The following CCDC144A variants were observed in gnomAD, a reference collection of about 807,000 sequenced individuals.
The protein encoded by CCDC144A is coiled-coil domain-containing protein 144A.
CCDC144A carries 41 observed loss-of-function variants against 143.8 expected under a neutral mutation model. That is an observed-to-expected ratio of 0.29 (90% CI 0.22 to 0.37). CCDC144A has a LOEUF of 0.37. Among genes scored for constraint, CCDC144A ranks in the 10% least tolerant of loss-of-function variants. The probability of loss-of-function intolerance (pLI) is 1.00; values close to 1 mark genes in which losing one functional copy is unlikely to be tolerated. For synonymous variants in CCDC144A, 242 were observed against 517.9 expected, an observed-to-expected ratio of 0.47 and a Z score of 7.23; for missense variants, 637 against 1,488.8, an observed-to-expected ratio of 0.43 and a Z score of 9.41.
intron 12 of CCDC144A, among the ~76,000 whole-genome samples, chr17:16,739,949 G>A (rs1055015940): frequency 6.6e-6 from 1 of 150,560 alleles, no homozygotes; most frequent in East Asian, 1.9e-4. Context: ...CATGATGAGA[G>A]TCAGGCTTAC....
At chr17:16,767,794 GAAA>G (rs1484772758) in intron 15 of CCDC144A, among the ~76,000 whole-genome samples, 1 of 152,220 alleles carries the variant, frequency 6.6e-6, no homozygotes, top group Non-Finnish European at 1.5e-5. Flanking sequence ...ACTGGTTGTT[GAAA>G]CAAGTTTTCT....
At chr17:16,759,050 G>A (rs556811959) in intron 12 of CCDC144A, among the ~76,000 whole-genome samples, 222 of 152,238 alleles carry the variant, frequency 1.5e-3, no homozygotes, top group African/African-American at 5.2e-3. Context: ...TTAAAATAGA[G>A]CCTTACACTG....
chr17:16,676,320 T>G, the CCDC144A span, among the ~76,000 whole-genome samples: 3 of 152,040 alleles, frequency 2.0e-5, no homozygotes, highest in East Asian at 5.8e-4. Flanking sequence ...AAGAGCAGCC[T>G]GGCCAACATG....
At chr17:16,684,414 G>T in the CCDC144A span, among the ~76,000 whole-genome samples, 1 of 152,154 alleles carries the variant, frequency 6.6e-6, no homozygotes, top group Non-Finnish European at 1.5e-5. Flanking sequence ...CCAGCACTTT[G>T]GGAGGCTGAG....
chr17:16,765,804 C>G (rs1348249788), intron 15 of CCDC144A: 4 of 152,216 alleles, frequency 2.6e-5, no homozygotes, highest in Admixed American at 2.6e-4. Context: ...AGATGATCAG[C>G]GTCCAAATGC....
the CCDC144A span, among the ~76,000 whole-genome samples, chr17:16,669,168 C>T: frequency 6.6e-6 from 1 of 152,104 alleles, no homozygotes; most frequent in Non-Finnish European, 1.5e-5. Flanking sequence ...ATAGTAGTTG[C>T]TTCCTATACT....
At chr17:16,684,023 G>GC in the CCDC144A span, 2 of 917,386 alleles carry the variant, frequency 2.2e-6, no homozygotes, top group Non-Finnish European at 3.7e-6. Flanking sequence ...AATTCATGCA[G>GC]CCTGCAAGGC....
intron 12 of CCDC144A, among the ~76,000 whole-genome samples, chr17:16,757,409 T>A (rs1251478937): frequency 6.6e-6 from 1 of 152,232 alleles, no homozygotes; most frequent in Non-Finnish European, 1.5e-5. Flanking sequence ...TTTATGCTCC[T>A]GGATGCCACG....
At chr17:16,736,808 AG>A (rs1205633786) in intron 12 of CCDC144A, among the ~76,000 whole-genome samples, 1 of 151,336 alleles carries the variant, frequency 6.6e-6, no homozygotes, top group Non-Finnish European at 1.5e-5. Context: ...ATCTTTTAGA[AG>A]GATCTGAGCA....
intron 3 of CCDC144A, chr17:16,706,934 C>A (rs1297324644): frequency 6.6e-6 from 1 of 152,024 alleles, no homozygotes; most frequent in Non-Finnish European, 1.5e-5. Context: ...ACCTAGCAGT[C>A]TGTTTTTTAT....
Position 16,708,840 on chromosome 17 carries a change from G to A in CCDC144A, c.783G>A (p.Glu261=), listed in dbSNP as rs751628503. The A allele has an allele frequency of 3.1e-6, 5 of 1,611,804 alleles. No individual in the cohort carries two copies. In the South Asian group the frequency reaches 5.5e-5, roughly 18 times the overall value. ...EPEMAKDCDR[E]DIPIYPVLPH... is the part of the protein sequence containing the mutation. The stretch of plus-strand genomic sequence containing the variant: ...AAATGGCTAAGGATTGCGATAGAGA[G>A]GATATACCTATATATCCAGTACTTC... The change falls in exon 5 of 17, where the codon GAG becomes GAA. Residue 261 remains glutamate (E), a synonymous_variant. Transcript: ENST00000399273.
rs749083042 is a variant in CCDC144A at position 16,709,609 on chromosome 17, AAAG to A, written c.1557_1559del (p.Glu519del). On this transcript the variant is annotated inframe_deletion, in exon 5 of 17. Transcript: ENST00000399273. ...AGAAGAAGAGTTCCTGGCTTTGAAG[AAAG>A]AAGATGTTCAACTTCATAAAGATGT... 14 of 1,611,520 alleles carry A rather than the reference AAAG, an allele frequency of 8.7e-6. No homozygotes were observed. In the East Asian group the frequency reaches 2.7e-4, roughly 31 times the overall value.
intron 5 of CCDC144A, among the ~76,000 whole-genome samples, chr17:16,711,110 C>T (rs1597546267): frequency 8.4e-6 from 1 of 119,404 alleles, no homozygotes; most frequent in South Asian, 2.9e-4. Context: ...AGCACCTTCA[C>T]CTTTTTGATA....
the CCDC144A span, among the ~76,000 whole-genome samples, chr17:16,677,068 T>C: frequency 3.3e-5 from 5 of 152,090 alleles, no homozygotes; most frequent in African/African-American, 9.7e-5. Flanking sequence ...GGTCCGAGGT[T>C]ACAATGCAAA....
At chr17:16,705,918 A>G (rs1255444300) in intron 3 of CCDC144A, 1 of 160,396 alleles carries the variant, frequency 6.2e-6, no homozygotes, top group African/African-American at 2.4e-5. Context: ...TCTCTACTAA[A>G]AATACAAAAA....
chr17:16,695,791 T>A (rs1911363703), intron 2 of CCDC144A, among the ~76,000 whole-genome samples: 1 of 151,726 alleles, frequency 6.6e-6, no homozygotes, highest in African/African-American at 2.4e-5. Flanking sequence ...TGTAAAAAAG[T>A]GGGTAAGATT....
chr17:16,726,532 C>T (rs933080291), intron 8 of CCDC144A, among the ~76,000 whole-genome samples: 63 of 151,874 alleles, frequency 4.1e-4, no homozygotes, highest in Middle Eastern at 3.4e-3. Context: ...ATTTCCTGCT[C>T]CTGAGGCAAG....
upstream of CCDC144A, among the ~76,000 whole-genome samples, chr17:16,687,311 AG>A (rs1329583486): frequency 2.6e-5 from 4 of 152,194 alleles, no homozygotes; most frequent in African/African-American, 9.7e-5. Flanking sequence ...TGCACTGAAC[AG>A]GGATTGAATT....
chr17:16,725,990 C>T (rs1913395129), intron 8 of CCDC144A, among the ~76,000 whole-genome samples: 2 of 151,888 alleles, frequency 1.3e-5, no homozygotes, highest in Admixed American at 6.6e-5. Context: ...TGAATCTTCT[C>T]TTTGGTGATG....
Sources: gnomAD v4.1 joint callset for allele counts (sites outside exome capture counted in the v4.1 genomes callset) on GRCh38, gnomAD v4.1.1 for gene constraint, MANE v1.5 for transcripts, NCBI Gene and HGNC (gene_info 2026-07-23, HGNC 2026-07-21) for gene names.